The following BRCC3 variants were observed in gnomAD, a reference collection of about 807,000 sequenced individuals.
BRCC3 encodes the protein BRCA1/BRCA2-containing complex subunit 3.
BRCC3 carries 15 observed loss-of-function variants against 28.0 expected under a neutral mutation model. The observed-to-expected ratio is 0.54, with a 90% CI of 0.36 to 0.82. The LOEUF is 0.82. Among genes scored for constraint, BRCC3 ranks in the 40% least tolerant of loss-of-function variants. The pLI, the probability that BRCC3 is intolerant of heterozygous loss-of-function variation, is 0.01. For synonymous variants in BRCC3, 66 were observed against 80.3 expected (o/e 0.82, Z 0.95); for missense variants, 109 against 225.9 (o/e 0.48, Z 3.32).
chrX:155,085,286 T>C (rs782211722), intron 5 of BRCC3, among the ~76,000 whole-genome samples: 3 of 112,885 alleles, frequency 2.7e-5, no homozygotes, highest in African/African-American at 9.6e-5. Context: ...TTTCATCATA[T>C]TTCTTAGGAA....
rs138430422 is a variant in BRCC3 at position 155,101,315 on chromosome X, A to C, written c.548+10476A>C. Reference sequence around the variant, plus strand: ...ACCCTTTTATATCAGGGACTTGAACATCTATGGATTTCAGTGTCTGTGGGA... The same window carrying C: ...ACCCTTTTATATCAGGGACTTGAACCTCTATGGATTTCAGTGTCTGTGGGA... On this transcript the variant is annotated intron_variant, in intron 7 of 10. Transcript: ENST00000330045. Among the ~76,000 whole-genome samples the C allele has an allele frequency of 9.5e-3, 1,063 of 111,779 alleles. 6 individuals carry two copies. The highest frequency in any genetic ancestry group is 0.014 in the Middle Eastern group (3 of 215).
rs190850572 is a variant in BRCC3, at chrX:155,087,498, A to G, written c.404-1765A>G. Among the ~76,000 whole-genome samples the G allele has an allele frequency of 6.2e-5, 7 of 112,034 alleles. No homozygotes were observed. The Admixed American group carries it at 6.6e-4, about 11-fold the overall frequency. On this transcript the variant is annotated intron_variant, in intron 5 of 10. Transcript: ENST00000330045. ...AACTGTCAGACGGCAACTTAGATCTATGGTTCTGGAGTTCTGGGACTAGAG... is the reference window on the plus strand; with the variant it reads ...AACTGTCAGACGGCAACTTAGATCTGTGGTTCTGGAGTTCTGGGACTAGAG...
Position 155,089,369 on chromosome X carries a change from G to A in BRCC3, c.492+18G>A, listed in dbSNP as rs1557295345. Reference sequence around the variant, plus strand: ...ACACAAAGGTATTGTGTGTGCATGTGTGTGTGTGTGTGTGTGTGTGTAGGG... The same window carrying A: ...ACACAAAGGTATTGTGTGTGCATGTATGTGTGTGTGTGTGTGTGTGTAGGG... On this transcript the variant is annotated intron_variant, in intron 6 of 10. Coordinates refer to ENST00000330045, the MANE Select transcript of BRCC3 (RefSeq NM_001018055.3). 2.4e-6 allele frequency: 2 copies of A among 841,001 alleles called. No homozygotes were observed. Among genetic ancestry groups the A allele is most frequent in the South Asian group, 4.9e-5 (2 of 40,541 alleles). The allele number at this position is 841,001 out of a possible 1,213,427, so 69.3% of individuals were successfully genotyped here.
At chrX:155,105,591 T>C (rs782674234) in intron 7 of BRCC3, among the ~76,000 whole-genome samples, 1 of 112,995 alleles carries the variant, frequency 8.8e-6, no homozygotes, top group Non-Finnish European at 1.9e-5. Flanking sequence ...TGTCTGTCCA[T>C]TTAGTTACCA....
chrX:155,091,191 G>C (rs2074172095), intron 7 of BRCC3, among the ~76,000 whole-genome samples: 1 of 111,606 alleles, frequency 9.0e-6, no homozygotes, highest in Non-Finnish European at 1.9e-5. Flanking sequence ...ATAGATTCTT[G>C]TCTTTGCTGT....
chrX:155,117,711 A>G (rs897970221), intron 9 of BRCC3, among the ~76,000 whole-genome samples: 1 of 112,004 alleles, frequency 8.9e-6, no homozygotes, highest in Admixed American at 9.4e-5. Context: ...GAGTCCAGAG[A>G]TAGGCCTATG....
chrX:155,074,731 A>C (rs1228479580), intron 3 of BRCC3, among the ~76,000 whole-genome samples: 5 of 112,401 alleles, frequency 4.4e-5, no homozygotes, highest in African/African-American at 1.6e-4. Context: ...TACTGTCTAA[A>C]TTAGATATTA....
chrX:155,083,695 GA>G (rs2074099964), intron 5 of BRCC3, among the ~76,000 whole-genome samples: 1 of 112,337 alleles, frequency 8.9e-6, no homozygotes. Context: ...TCACATTGAG[GA>G]AAACAACAAA....
chrX:155,120,208 C>T (rs2074381262), intron 10 of BRCC3, 40 bp downstream of exon 10: 1 of 1,011,815 alleles, frequency 9.9e-7, no homozygotes, highest in African/African-American at 1.9e-5. Flanking sequence ...TAAACACAGT[C>T]TGAAAATGCA....
intron 9 of BRCC3, 140 bp from the exon 10 acceptor site, chrX:155,119,859 C>T (rs1305703610): frequency 2.0e-6 from 1 of 487,923 alleles, no homozygotes; most frequent in Non-Finnish European, 3.3e-6. Flanking sequence ...ACCAGTCCTA[C>T]TTATTACACT....
In BRCC3 at chrX:155,074,174, C is replaced by T. The variant is rs782613014; in HGVS notation, c.195+743C>T. ...AGACCTTGTTTATCAAATGTTCTGT[C>T]TCTTTTCTGGGTCTTCTCCCTGTCA... On this transcript the variant is annotated intron_variant, in intron 3 of 10. Transcript: ENST00000330045. 8.9e-5 allele frequency among the ~76,000 whole-genome samples: 10 copies of T among 112,304 alleles called. No homozygotes were observed. In the South Asian group the frequency reaches 3.3e-3, roughly 37 times the overall value.
At chrX:155,074,231 A>G (rs1466879353) in intron 3 of BRCC3, among the ~76,000 whole-genome samples, 1 of 111,853 alleles carries the variant, frequency 8.9e-6, no homozygotes, top group African/African-American at 3.3e-5. Flanking sequence ...ATATGCTTAA[A>G]TTACTCTCAT....
chrX:155,071,745 C>T lies in BRCC3; in HGVS notation c.123+95C>T, dbSNP rs1014313603. ...GCAGCTCCCAGGGCTGCGGAGGCCA[C>T]AGGCATCCTCGATTTAGGTCCTTGG... On this transcript the variant is annotated intron_variant, in intron 1 of 10. Coordinates refer to ENST00000330045, the MANE Select transcript of BRCC3 (RefSeq NM_001018055.3). The T allele has an allele frequency of 7.0e-6, 7 of 999,348 alleles. No individual in the cohort carries two copies. The African/African-American group carries it at 9.6e-5, about 14-fold the overall frequency. 82.4% of individuals were successfully genotyped at this position (999,348 alleles called of 1,213,427 possible).
chrX:155,083,495 T>C (rs1557294396), intron 5 of BRCC3, among the ~76,000 whole-genome samples: 1 of 112,008 alleles, frequency 8.9e-6, no homozygotes, highest in African/African-American at 3.3e-5. Flanking sequence ...TCCTACATTC[T>C]CAAGAACCTT....
chrX:155,080,970 C>T (rs2074080656), intron 5 of BRCC3, among the ~76,000 whole-genome samples: 1 of 111,626 alleles, frequency 9.0e-6, no homozygotes, highest in Admixed American at 9.5e-5. Flanking sequence ...TATTGAAGGG[C>T]AGACAATATT....
At chrX:155,119,792 G>A (rs1436029397) in intron 9 of BRCC3, among the ~76,000 whole-genome samples, 9 of 111,820 alleles carry the variant, frequency 8.0e-5, no homozygotes, top group Non-Finnish European at 1.3e-4. Flanking sequence ...CTCAGAATGG[G>A]TATTTTCTAT....
intron 7 of BRCC3, among the ~76,000 whole-genome samples, chrX:155,102,385 C>A (rs1193006125): frequency 8.9e-6 from 1 of 111,973 alleles, no homozygotes; most frequent in Non-Finnish European, 1.9e-5. Flanking sequence ...ATTTCCTATT[C>A]ATTGCTACTA....
intron 8 of BRCC3, 127 bp downstream of exon 8, chrX:155,116,315 T>A: frequency 1.7e-6 from 1 of 579,138 alleles, no homozygotes. Flanking sequence ...GGAAGCTTTC[T>A]AGCAGTCTCC....
intron 7 of BRCC3, among the ~76,000 whole-genome samples, chrX:155,097,280 T>C (rs1165196364): frequency 8.9e-6 from 1 of 111,932 alleles, no homozygotes; most frequent in African/African-American, 3.2e-5. Context: ...ATCCAAAATA[T>C]ATAAAGAACT....
Sources: allele counts gnomAD v4.1 joint callset (sites outside exome capture counted in the v4.1 genomes callset), GRCh38; gene constraint gnomAD v4.1.1; transcripts MANE v1.5; gene names NCBI Gene and HGNC (gene_info 2026-07-23, HGNC 2026-07-21).